DCAF17: variants seen among roughly 807,000 people sequenced by gnomAD.
DCAF17 encodes DDB1- and CUL4-associated factor 17.
Under a neutral mutation model 66.0 loss-of-function variants are expected in DCAF17, and 48 were observed. That is an observed-to-expected ratio of 0.73 (90% confidence interval 0.58 to 0.92). DCAF17 has a LOEUF of 0.92. Ranked by LOEUF, DCAF17 falls within the 40% of genes least tolerant of loss-of-function variation. The probability of loss-of-function intolerance (pLI) is 0.00; values close to 1 mark genes in which losing one functional copy is unlikely to be tolerated. For missense variants in DCAF17, 562 were observed against 622.8 expected, an observed-to-expected ratio of 0.90 and a Z score of 1.04; for synonymous variants, 206 against 214.6, an observed-to-expected ratio of 0.96 and a Z score of 0.35.
chr2:171,436,208 C>T (rs943898534), intron 2 of DCAF17, among the ~76,000 whole-genome samples: 5 of 152,136 alleles, frequency 3.3e-5, no homozygotes, highest in East Asian at 1.9e-4. Context: ...CCACATTTTA[C>T]GTATCCGTTT....
intron 2 of DCAF17, among the ~76,000 whole-genome samples, chr2:171,439,901 G>C (rs1457960089): frequency 1.3e-5 from 2 of 152,126 alleles, no homozygotes; most frequent in Non-Finnish European, 2.9e-5. Flanking sequence ...CTGCACTCCA[G>C]CCTGGGTAAC....
intron 8 of DCAF17, among the ~76,000 whole-genome samples, chr2:171,459,908 A>G (rs1454917600): frequency 6.6e-6 from 1 of 152,222 alleles, no homozygotes; most frequent in African/African-American, 2.4e-5. Flanking sequence ...CAAATACATT[A>G]AAAGCAATCT....
chr2:171,466,854 T>A (rs547873154), intron 8 of DCAF17, among the ~76,000 whole-genome samples: 8 of 151,892 alleles, frequency 5.3e-5, no homozygotes, highest in Non-Finnish European at 1.0e-4. Context: ...CAACTCTAAT[T>A]GTATGTTTTT....
rs1467110858 is a variant in DCAF17, at chr2:171,480,128, G to T, written c.1357G>T (p.Asp453Tyr). 2 of 1,613,816 alleles carry T rather than the reference G, an allele frequency of 1.2e-6. No individual in the cohort carries two copies. ...AGATGCTGAAGGAAAAGCTCACCTG[G>T]ATTTCCACTGTAATGAATATGGAAC... ...QIDAEGKAHL[D>Y]FHCNEYGTLL... Residue 453 changes from aspartate to tyrosine, a missense_variant, in exon 13 of 14, where the codon GAT (aspartate) becomes TAT (tyrosine). By Grantham distance (160) the Asp-to-Tyr change is radical. Around this residue, in one of 3 missense-constraint regions of DCAF17, gnomAD observed 201 missense variants for 231.1 expected, o/e 0.87. Coordinates refer to ENST00000375255, the MANE Select transcript of DCAF17 (RefSeq NM_025000.4).
In DCAF17 at chr2:171,472,067, C is replaced by T. The variant is rs1696272884; in HGVS notation, c.982-1799C>T. ...GGCATAGAAAGCACTTACAATATAACCCCAGCCTACCTCTCCAGTATCATG... is the reference window on the plus strand; with the variant it reads ...GGCATAGAAAGCACTTACAATATAATCCCAGCCTACCTCTCCAGTATCATG... On this transcript the variant is annotated intron_variant, in intron 9 of 13. Transcript: ENST00000375255. Among the ~76,000 whole-genome samples the T allele has an allele frequency of 2.0e-5, 3 of 152,082 alleles. No individual in the cohort carries two copies. In the South Asian group the frequency reaches 6.2e-4, roughly 32 times the overall value.
At position 171,484,942 on chromosome 2, in the gene DCAF17, C is replaced by T. The variant is rs773543654; in HGVS notation, c.*3828C>T. ...TTCTTTTTATTGCTGAGTATTCTTT[C>T]GTATGAATATATCACAGTTTGTTTT... On this transcript the variant is annotated 3_prime_UTR_variant, in exon 14 of 14. Transcript: ENST00000375255. 7.0e-5 allele frequency: 32 copies of T among 453,966 alleles called. No homozygotes were observed. The highest frequency in any genetic ancestry group is 6.9e-4 in the Middle Eastern group (1 of 1,444). The allele number at this position is 453,966 out of a possible 1,614,324, so 28.1% of individuals were successfully genotyped here.
intron 3 of DCAF17, chr2:171,447,393 CT>C (rs1694691684): frequency 5.6e-6 from 2 of 358,046 alleles, no homozygotes; most frequent in Admixed American, 7.0e-5. Context: ...GAGATGGAGT[CT>C]TCTGTCGCCA....
At chr2:171,474,105 A>G in intron 10 of DCAF17, 130 bp downstream of exon 10, 1 of 738,200 alleles carries the variant, frequency 1.4e-6, no homozygotes, top group East Asian at 2.7e-5. Context: ...GTGCTTCCTC[A>G]GAGACTGGCA....
chr2:171,482,152 C>T lies in DCAF17; in HGVS notation c.*1038C>T. On this transcript the variant is annotated 3_prime_UTR_variant, in exon 14 of 14. Transcript: ENST00000375255. ...TCTTTAGAATGTTAAATAAAGGCAA[C>T]CCAAGTAAAGGGAGAAAATGTTTCT... 2.2e-6 allele frequency: 1 copy of T among 448,930 alleles called. No individual in the cohort carries two copies. The highest frequency in any genetic ancestry group is 4.4e-6 in the Non-Finnish European group (1 of 224,750). 27.8% of individuals were successfully genotyped at this position (448,930 alleles called of 1,614,324 possible).
chr2:171,476,156 T>A (rs1696489618), intron 10 of DCAF17, among the ~76,000 whole-genome samples: 1 of 152,182 alleles, frequency 6.6e-6, no homozygotes, highest in Non-Finnish European at 1.5e-5. Context: ...GTTCTTTTTT[T>A]TTTTGCATTT....
chr2:171,468,695 A>C (rs1339503042), intron 8 of DCAF17, among the ~76,000 whole-genome samples, 193 bp from the exon 9 acceptor site: 1 of 152,206 alleles, frequency 6.6e-6, no homozygotes, highest in Non-Finnish European at 1.5e-5. Flanking sequence ...AGCCTAATTT[A>C]GGTTCCGACT....
At position 171,481,251 on chromosome 2, in the gene DCAF17, A is replaced by T. The variant is rs1358270818; in HGVS notation, c.*137A>T. The T allele has an allele frequency of 1.3e-5, 14 of 1,071,030 alleles. No individual in the cohort carries two copies. Among genetic ancestry groups the T allele is most frequent in the Non-Finnish European group, 2.0e-5 (14 of 705,736 alleles). 66.3% of individuals were successfully genotyped at this position (1,071,030 alleles called of 1,614,324 possible). ...CTTGTGTTGACTTCAGATGACTATG[A>T]CTTCTTTTTTAAACTCTTGCTGTAA... On this transcript the variant is annotated 3_prime_UTR_variant, in exon 14 of 14. Transcript: ENST00000375255.
intron 11 of DCAF17, among the ~76,000 whole-genome samples, chr2:171,477,262 A>G (rs902326782): frequency 2.0e-5 from 3 of 152,224 alleles, no homozygotes; most frequent in Non-Finnish European, 4.4e-5. Flanking sequence ...TTGGGGTAAT[A>G]TATAAGTCTT....
At chr2:171,453,054 C>A in intron 5 of DCAF17, 70 bp from the exon 6 acceptor site, 1 of 1,078,758 alleles carries the variant, frequency 9.3e-7, no homozygotes, top group Non-Finnish European at 1.4e-6. Flanking sequence ...TGGATTTTTT[C>A]AACTAATGAA....
rs1226708910 is a variant in DCAF17 at position 171,469,106 on chromosome 2, A to T, written c.981+76A>T. 2.7e-6 allele frequency: 4 copies of T among 1,496,310 alleles called. No individual in the cohort carries two copies. The African/African-American group carries it at 4.2e-5, about 16-fold the overall frequency. The allele number at this position is 1,496,310 out of a possible 1,614,324, so 92.7% of individuals were successfully genotyped here. A position where few individuals can be genotyped will look rare whatever the true frequency, so the allele number is the denominator to read the frequency against. ...TTTTCTACCTCTCAAATAGGCCCAC[A>T]TTCCTAAGAATTACTTTTTTGTGCA... On this transcript the variant is annotated intron_variant, in intron 9 of 13. Coordinates refer to ENST00000375255, the MANE Select transcript of DCAF17 (RefSeq NM_025000.4).
intron 6 of DCAF17, among the ~76,000 whole-genome samples, chr2:171,456,017 G>A (rs1225574314): frequency 6.6e-6 from 1 of 152,068 alleles, no homozygotes; most frequent in Admixed American, 6.5e-5. Context: ...TTTAGTTTAA[G>A]TAGATCCTAT....
In DCAF17 at chr2:171,475,531, G is replaced by A. The variant is rs78854579; in HGVS notation, c.1092-1329G>A. Among the ~76,000 whole-genome samples the A allele has an allele frequency of 7.8e-3, 1,181 of 152,222 alleles. 13 individuals are homozygous for A. The highest frequency in any genetic ancestry group is 0.027 in the African/African-American group (1,131 of 41,532). On this transcript the variant is annotated intron_variant, in intron 10 of 13. Coordinates refer to ENST00000375255, the MANE Select transcript of DCAF17 (RefSeq NM_025000.4). ...CTATAATCCTGCACTTTGGGAGGCCGAAGCAGGAGGATCCCCTGAAACCAG... is the reference window on the plus strand; with the variant it reads ...CTATAATCCTGCACTTTGGGAGGCCAAAGCAGGAGGATCCCCTGAAACCAG...
At chr2:171,460,589 G>A (rs762602818) in intron 8 of DCAF17, among the ~76,000 whole-genome samples, 12 of 151,692 alleles carry the variant, frequency 7.9e-5, no homozygotes, top group Non-Finnish European at 1.3e-4. Flanking sequence ...GGAGTGCAGT[G>A]GAGAGATCAC....
chr2:171,460,693 G>T (rs1177242169), intron 8 of DCAF17, among the ~76,000 whole-genome samples: 1 of 151,896 alleles, frequency 6.6e-6, no homozygotes, highest in African/African-American at 2.4e-5. Context: ...ACCACACCCA[G>T]CTAATTTTTG....
Sources: allele counts gnomAD v4.1 joint callset (sites outside exome capture counted in the v4.1 genomes callset), GRCh38; gene constraint gnomAD v4.1.1; regional missense constraint gnomAD v4.1.1; transcripts MANE v1.5; gene names NCBI Gene and HGNC (gene_info 2026-07-23, HGNC 2026-07-21).